DTWD2: variants seen among roughly 807,000 people sequenced by gnomAD.
The protein encoded by DTWD2 is tRNA-uridine aminocarboxypropyltransferase 2.
DTWD2 carries 39 observed loss-of-function variants against 31.8 expected under a neutral mutation model. That is an observed-to-expected ratio of 1.22 (90% CI 0.95 to 1.60). The LOEUF is 1.60. Among genes scored for constraint, DTWD2 ranks in the 40% most tolerant of loss-of-function variants. The probability of loss-of-function intolerance (pLI) is 0.00; values close to 1 mark genes in which losing one functional copy is unlikely to be tolerated. For synonymous variants in DTWD2, 180 were observed against 142.8 expected (o/e 1.26, Z -1.86); for missense variants, 515 against 381.5 (o/e 1.35, Z -2.92).
At chr5:118,942,100 T>C (rs2149585197) in intron 2 of DTWD2, among the ~76,000 whole-genome samples, 1 of 152,338 alleles carries the variant, frequency 6.6e-6, no homozygotes, top group East Asian at 1.9e-4. Flanking sequence ...GATGAGTAGA[T>C]TGCAAAAATT....
At chr5:118,939,389 C>T in intron 2 of DTWD2, 99 bp from the exon 3 acceptor site, 1 of 1,054,304 alleles carries the variant, frequency 9.5e-7, no homozygotes, top group Non-Finnish European at 1.3e-6. Flanking sequence ...TTATGCATAA[C>T]TTTCACAAGT....
chr5:118,955,039 C>T (rs958768963), intron 1 of DTWD2, among the ~76,000 whole-genome samples: 5 of 151,882 alleles, frequency 3.3e-5, no homozygotes, highest in Non-Finnish European at 7.4e-5. Context: ...GATAAGTGAT[C>T]GCACATAAAA....
At chr5:118,936,849 C>T (rs994618671) in intron 3 of DTWD2, among the ~76,000 whole-genome samples, 3 of 151,548 alleles carry the variant, frequency 2.0e-5, no homozygotes, top group Admixed American at 6.6e-5. Context: ...CCAAAACAGA[C>T]TAAGAAAAAA....
At chr5:118,911,534 C>A (rs1449436184) in intron 4 of DTWD2, among the ~76,000 whole-genome samples, 1 of 152,132 alleles carries the variant, frequency 6.6e-6, no homozygotes, top group African/African-American at 2.4e-5. Flanking sequence ...AAAACGGAAT[C>A]ATGAAAAGAC....
chr5:118,987,785 T>C (rs751203856), intron 1 of DTWD2, among the ~76,000 whole-genome samples: 1 of 152,192 alleles, frequency 6.6e-6, no homozygotes, highest in African/African-American at 2.4e-5. Flanking sequence ...TAATTTACCA[T>C]GAAAACTGAT....
chr5:118,887,799 TTTTGG>T (rs1351664877), intron 4 of DTWD2, among the ~76,000 whole-genome samples: 10 of 152,144 alleles, frequency 6.6e-5, no homozygotes, highest in Non-Finnish European at 4.4e-5. Flanking sequence ...TTCTGTTTTG[TTTTGG>T]TTTGGTTTGG....
intron 4 of DTWD2, among the ~76,000 whole-genome samples, chr5:118,851,367 C>T (rs368123468): frequency 4.1e-4 from 62 of 151,842 alleles, no homozygotes; most frequent in Non-Finnish European, 7.7e-4. Context: ...ACATCTGGGC[C>T]GCCGGGGGCA....
intron 1 of DTWD2, among the ~76,000 whole-genome samples, chr5:118,953,193 G>A (rs1185917005): frequency 1.3e-5 from 2 of 152,184 alleles, no homozygotes; most frequent in African/African-American, 4.8e-5. Flanking sequence ...TGCTGCTAGT[G>A]AGTAAGGAGT....
intron 4 of DTWD2, among the ~76,000 whole-genome samples, chr5:118,907,638 G>C (rs956145907): frequency 5.3e-5 from 8 of 152,152 alleles, no homozygotes; most frequent in African/African-American, 1.9e-4. Flanking sequence ...GGCTAAGGCA[G>C]GACAATCACT....
intron 1 of DTWD2, among the ~76,000 whole-genome samples, chr5:118,965,729 C>T (rs1041437260): frequency 6.6e-6 from 1 of 152,054 alleles, no homozygotes; most frequent in African/African-American, 2.4e-5. Flanking sequence ...AAACAGATGC[C>T]TGAAGGCAGC....
At chr5:118,957,192 G>A (rs58698134) in intron 1 of DTWD2, among the ~76,000 whole-genome samples, 12,580 of 151,972 alleles carry the variant, frequency 0.083, 600 homozygotes, top group African/African-American at 0.11. Flanking sequence ...TAGGAGTGGA[G>A]GAAGGATAGA....
intron 4 of DTWD2, among the ~76,000 whole-genome samples, chr5:118,876,366 G>A (rs994620871): frequency 4.6e-5 from 7 of 151,850 alleles, no homozygotes; most frequent in African/African-American, 7.3e-5. Context: ...AGAGCTGAAG[G>A]AGGCTAAGAC....
At chr5:118,963,962 T>A (rs1754766194) in intron 1 of DTWD2, among the ~76,000 whole-genome samples, 1 of 152,086 alleles carries the variant, frequency 6.6e-6, no homozygotes, top group African/African-American at 2.4e-5. Context: ...GTAATCCCAG[T>A]ACTTTGGGAG....
intron 3 of DTWD2, among the ~76,000 whole-genome samples, chr5:118,934,272 T>TAA (rs397999089): frequency 0.018 from 430 of 23,500 alleles, 26 homozygotes; most frequent in East Asian, 0.033. Context: ...TTGTCTCCAT[T>TAA]AAAAAAAAAA....
intron 1 of DTWD2, among the ~76,000 whole-genome samples, chr5:118,956,630 T>C (rs889795609): frequency 2.0e-5 from 3 of 152,246 alleles, no homozygotes; most frequent in Admixed American, 1.3e-4. Flanking sequence ...TTTCTCACAG[T>C]ACTGATTTTA....
At chr5:118,902,116 T>C (rs1753223647) in intron 4 of DTWD2, among the ~76,000 whole-genome samples, 1 of 152,288 alleles carries the variant, frequency 6.6e-6, no homozygotes, top group Admixed American at 6.5e-5. Context: ...TATCACTATA[T>C]CTAGTGATCC....
In DTWD2 at chr5:118,838,110, T is replaced by C. The variant is rs1751614962; in HGVS notation, c.*2807A>G. 6.6e-6 allele frequency: 1 copy of C among 152,210 alleles called. No individual in the cohort carries two copies. The highest frequency in any genetic ancestry group is 1.5e-5 in the Non-Finnish European group (1 of 68,044). The allele number at this position is 152,210 out of a possible 1,614,324, so 9.4% of individuals were successfully genotyped here. A position where few individuals can be genotyped will look rare whatever the true frequency, so the allele number is the denominator to read the frequency against. ...TCTTATAATCCAACCTGTAGAAAGT[T>C]GCCATGCACTGTGACTTACTACTTT... On this transcript the variant is annotated 3_prime_UTR_variant, in exon 6 of 6. Transcript: ENST00000510708.
intron 4 of DTWD2, among the ~76,000 whole-genome samples, chr5:118,859,832 T>C (rs1323422537): frequency 2.0e-5 from 3 of 152,278 alleles, no homozygotes; most frequent in East Asian, 3.9e-4. Context: ...TATATAAAAA[T>C]ATAGGCCAGA....
intron 4 of DTWD2, among the ~76,000 whole-genome samples, chr5:118,862,423 G>A (rs1262048404): frequency 1.3e-5 from 2 of 152,140 alleles, no homozygotes; most frequent in Non-Finnish European, 2.9e-5. Flanking sequence ...AAAGCAAAAA[G>A]AATGTTAGAA....
Sources: gnomAD v4.1 joint callset for allele counts (sites outside exome capture counted in the v4.1 genomes callset) on GRCh38, gnomAD v4.1.1 for gene constraint, MANE v1.5 for transcripts, NCBI Gene and HGNC (gene_info 2026-07-23, HGNC 2026-07-21) for gene names.